MED17: variants seen among roughly 807,000 people sequenced by gnomAD.
The protein encoded by MED17 is mediator complex subunit 17.
Under a neutral mutation model 80.8 loss-of-function variants are expected in MED17, and 49 were observed. The ratio of observed to expected loss-of-function variants is 0.61; its 90% CI spans 0.48 to 0.77. The LOEUF (loss-of-function observed/expected upper bound fraction) is 0.77. Ranked by LOEUF, MED17 falls within the 30% of genes least tolerant of loss-of-function variation. The pLI, the probability that MED17 is intolerant of heterozygous loss-of-function variation, is 0.00. For synonymous variants in MED17, 281 were observed against 280.4 expected (o/e 1.00, Z -0.02); for missense variants, 718 against 787.0 (o/e 0.91, Z 1.05).
intron 7 of MED17, 113 bp downstream of exon 7, chr11:93,796,653 C>T (rs1388232920): frequency 3.3e-6 from 4 of 1,207,878 alleles, no homozygotes; most frequent in Non-Finnish European, 3.6e-6. Context: ...CAACAACATT[C>T]ACTGTCTGAT....
At position 93,793,769 on chromosome 11, in the gene MED17, A is replaced by C. The variant is rs534823110; in HGVS notation, c.679A>C (p.Asn227His). 2 of 1,590,420 alleles carry C rather than the reference A, an allele frequency of 1.3e-6. No individual in the cohort carries two copies. Among genetic ancestry groups the C allele is most frequent in the Admixed American group, 3.3e-5 (2 of 59,982 alleles). Reference protein sequence around the residue: ...PHHGTFEVIKNTDLDLDKKIP... With the variant: ...PHHGTFEVIKHTDLDLDKKIP... Reference sequence around the variant, plus strand: ...TCATGGTACATTTGAAGTAATAAAGAATACAGATCTCGATCTGGATAAAAA... The same window carrying C: ...TCATGGTACATTTGAAGTAATAAAGCATACAGATCTCGATCTGGATAAAAA... Residue 227 changes from asparagine (N) to histidine (H), a missense_variant, in exon 4 of 12, where the codon AAT (asparagine) becomes CAT (histidine). Physicochemically the swap from Asn to His is moderately conservative, Grantham distance 68 (BLOSUM62 1). Coordinates refer to ENST00000251871, the MANE Select transcript of MED17 (RefSeq NM_004268.5).
At chr11:93,790,472 C>T in intron 2 of MED17, 102 bp from the exon 3 acceptor site, 2 of 994,580 alleles carry the variant, frequency 2.0e-6, no homozygotes, top group Non-Finnish European at 3.1e-6. Context: ...CTTGCCCCTC[C>T]TTTTTGCTTT....
intron 10 of MED17, chr11:93,808,576 A>G (rs1944052697): frequency 7.0e-6 from 1 of 143,118 alleles, no homozygotes; most frequent in Non-Finnish European, 1.5e-5. Context: ...GCAAGATACT[A>G]TTTTTTTTTC....
chr11:93,802,893 CT>C (rs1399694114), intron 9 of MED17, among the ~76,000 whole-genome samples: 2 of 152,206 alleles, frequency 1.3e-5, no homozygotes, highest in Non-Finnish European at 2.9e-5. Flanking sequence ...GGCCAGTAGC[CT>C]TTAAGGACTT....
chr11:93,784,367 G>A lies in MED17; in HGVS notation c.-147G>A. The A allele has an allele frequency of 9.7e-7, 1 of 1,028,092 alleles. No individual in the cohort carries two copies. The highest frequency in any genetic ancestry group is 1.7e-5 in the South Asian group (1 of 58,284). The allele number at this position is 1,028,092 out of a possible 1,614,324, so 63.7% of individuals were successfully genotyped here. On this transcript the variant is annotated 5_prime_UTR_variant, in exon 1 of 12. Transcript: ENST00000251871. ...GGGCCAGCTCCTTTGTTTCCAGTCT[G>A]AGCGTTGCGTTCGGTTTCCCGAGGG...
Position 93,801,901 on chromosome 11 carries a change from A to G in MED17, c.1395A>G (p.Ser465=). 6.2e-7 allele frequency: 1 copy of G among 1,612,440 alleles called. No homozygotes were observed. The highest frequency in any genetic ancestry group is 8.5e-7 in the Non-Finnish European group (1 of 1,178,770). The change falls in exon 9 of 12, where the codon TCA becomes TCG. Residue 465 remains serine (S), a synonymous_variant. Coordinates refer to ENST00000251871, the MANE Select transcript of MED17 (RefSeq NM_004268.5). The part of the protein sequence containing the change: ...IEDPQIQAHW[S]NINDVYESSV... ...ATCCTCAGATACAGGCTCATTGGTCAAATATCAATGATGTTTATGAATCTA... is the reference window on the plus strand; with the variant it reads ...ATCCTCAGATACAGGCTCATTGGTCGAATATCAATGATGTTTATGAATCTA...
rs1591380337 is a variant in MED17 at position 93,784,399 on chromosome 11, G to T, written c.-115G>T. The T allele has an allele frequency of 5.1e-6, 7 of 1,367,344 alleles. No individual in the cohort carries two copies. In the East Asian group the frequency reaches 1.4e-4, roughly 28 times the overall value. 84.7% of individuals were successfully genotyped at this position (1,367,344 alleles called of 1,614,324 possible). ...GCGTTCGGTTTCCCGAGGGTCTTCT[G>T]AGGCACCGCGGCTGCGGGCTTCTGA... On this transcript the variant is annotated 5_prime_UTR_variant, in exon 1 of 12. Transcript: ENST00000251871.
At chr11:93,805,834 C>G (rs1244591440) in intron 9 of MED17, among the ~76,000 whole-genome samples, 3 of 152,116 alleles carry the variant, frequency 2.0e-5, no homozygotes, top group Non-Finnish European at 4.4e-5. Context: ...CATGGTTGCA[C>G]ACACCTGAAG....
Position 93,811,668 on chromosome 11 carries a change from C to T in MED17, c.1745-185C>T. ...AATAATTCATGAATATTTATACCAT[C>T]CTCTTATATAGAAGTTAGAGTTTTT... On this transcript the variant is annotated intron_variant, in intron 11 of 11. Coordinates refer to ENST00000251871, the MANE Select transcript of MED17 (RefSeq NM_004268.5). 5.0e-6 allele frequency: 3 copies of T among 605,890 alleles called. No individual in the cohort carries two copies. In the South Asian group the frequency reaches 6.1e-5, roughly 12 times the overall value. 37.5% of individuals were successfully genotyped at this position (605,890 alleles called of 1,614,324 possible). A position where few individuals can be genotyped will look rare whatever the true frequency, so the allele number is the denominator to read the frequency against.
chr11:93,796,656 T>C (rs920415109), intron 7 of MED17, 116 bp downstream of exon 7: 18 of 1,185,670 alleles, frequency 1.5e-5, no homozygotes, highest in Non-Finnish European at 2.1e-5. Flanking sequence ...CAACATTCAC[T>C]GTCTGATGTG....
intron 7 of MED17, 61 bp from the exon 8 acceptor site, chr11:93,797,474 C>A: frequency 6.9e-7 from 1 of 1,457,628 alleles, no homozygotes; most frequent in Non-Finnish European, 9.6e-7. Flanking sequence ...CATGTTTTGA[C>A]TAAATATTAT....
At position 93,794,857 on chromosome 11, in the gene MED17, T is replaced by G. The variant is rs533311520; in HGVS notation, c.860-51T>G. The G allele has an allele frequency of 4.1e-5, 65 of 1,570,400 alleles. 1 individual carries two copies. In the South Asian group the frequency reaches 7.0e-4, roughly 17 times the overall value. On this transcript the variant is annotated intron_variant, in intron 5 of 11. Transcript: ENST00000251871. ...GTATTCAGATCACCATTTAAACTAG[T>G]TAATGCATAATATGGTTAGATAATT...
intron 9 of MED17, among the ~76,000 whole-genome samples, chr11:93,804,917 A>G (rs1944008848): frequency 6.6e-6 from 1 of 152,226 alleles, no homozygotes; most frequent in African/African-American, 2.4e-5. Context: ...ATTAGGAAAA[A>G]CTATATACAG....
At chr11:93,788,897 A>G (rs773080645) in intron 2 of MED17, 19 of 152,070 alleles carry the variant, frequency 1.2e-4, no homozygotes, top group Non-Finnish European at 2.5e-4. Context: ...CTGTTTTTCC[A>G]TCTAATCCTT....
chr11:93,798,554 A>G (rs1277499355), intron 8 of MED17, among the ~76,000 whole-genome samples: 1 of 152,096 alleles, frequency 6.6e-6, no homozygotes, highest in African/African-American at 2.4e-5. Context: ...TAGGTCCTTC[A>G]GCTTTTAGTA....
intron 11 of MED17, 149 bp from the exon 12 acceptor site, chr11:93,811,704 T>A: frequency 1.5e-6 from 1 of 667,380 alleles, no homozygotes; most frequent in Non-Finnish European, 2.6e-6. Flanking sequence ...CTCTTGCATG[T>A]TGAAACTGAA....
Position 93,812,055 on chromosome 11 carries a change from T to C in MED17, c.1947T>C (p.Cys649=). 1.2e-6 allele frequency: 2 copies of C among 1,614,022 alleles called. No homozygotes were observed. The highest frequency in any genetic ancestry group is 2.2e-5 in the South Asian group (2 of 91,078). ...TGCTTATGTCTGCACTTAGCCCTTG[T>C]CTACTATGATTTTTTCCAGATGTTT... ...MELLMSALSP[C]LL is the part of the protein sequence containing the mutation. Residue 649 remains cysteine (C), a synonymous_variant, in exon 12 of 12, where the codon TGT becomes TGC. Coordinates refer to ENST00000251871, the MANE Select transcript of MED17 (RefSeq NM_004268.5).
At chr11:93,808,949 C>T (rs1944058345) in intron 10 of MED17, 1 of 153,126 alleles carries the variant, frequency 6.5e-6, no homozygotes, top group African/African-American at 2.4e-5. Context: ...AAATTGCCCC[C>T]ATTGTATCAG....
chr11:93,805,153 C>G (rs527367330), intron 9 of MED17, among the ~76,000 whole-genome samples: 2 of 152,162 alleles, frequency 1.3e-5, no homozygotes, highest in South Asian at 2.1e-4. Flanking sequence ...TTTCTTACAG[C>G]CTTTTTGTAT....
Sources: gnomAD v4.1 joint callset for allele counts (sites outside exome capture counted in the v4.1 genomes callset) on GRCh38, gnomAD v4.1.1 for gene constraint, MANE v1.5 for transcripts, NCBI Gene and HGNC (gene_info 2026-07-23, HGNC 2026-07-21) for gene names.